The following INTS2 variants were observed in gnomAD, a reference collection of about 807,000 sequenced individuals.
INTS2 encodes the protein KIAA1287.
INTS2 carries 57 observed loss-of-function variants against 139.6 expected under a neutral mutation model. The observed-to-expected ratio is 0.41, with a 90% confidence interval of 0.33 to 0.51. The LOEUF (loss-of-function observed/expected upper bound fraction) is 0.51. Ranked by LOEUF, INTS2 falls within the 20% of genes least tolerant of loss-of-function variation. The pLI is 0.28. For missense variants in INTS2, 1,196 were observed against 1,436.7 expected (o/e 0.83, Z 2.71); for synonymous variants, 473 against 493.4 (o/e 0.96, Z 0.55).
rs1203182624 is a variant in INTS2, at chr17:61,889,816, C to G, written c.1954G>C (p.Glu652Gln). ...GTCTTCGTGTTTGCTAGAAGAGCCTCTTCATAAGACAGTATATAGTAGAGC... is the reference window on the plus strand; with the variant it reads ...GTCTTCGTGTTTGCTAGAAGAGCCTGTTCATAAGACAGTATATAGTAGAGC... ...LVLYYILSYE[E>Q]ALLANTKTLA... Residue 652 changes from glutamate to glutamine, a missense_variant, in exon 15 of 25, where the codon GAG becomes CAG. Coordinates refer to ENST00000251334, the MANE Select transcript of INTS2 (RefSeq NM_001351695.2). 6.2e-7 allele frequency: 1 copy of G among 1,607,706 alleles called. No individual in the cohort carries two copies.
At chr17:61,896,951 A>T (rs1467941614) in intron 11 of INTS2, among the ~76,000 whole-genome samples, 1 of 152,164 alleles carries the variant, frequency 6.6e-6, no homozygotes, top group East Asian at 1.9e-4. Context: ...GTATGAAGAG[A>T]TACATGTGGG....
At position 61,891,662 on chromosome 17, in the gene INTS2, T is replaced by C; in HGVS notation, c.1726A>G (p.Thr576Ala). The change falls in exon 14 of 25, where the codon ACC (threonine) becomes GCC (alanine). Residue 576 changes from threonine to alanine, a missense_variant. Transcript: ENST00000251334. ...KDWIYRQLCE[T>A]STPLHPQLLP... ...AATTGAGGATGAAGTGGAGTAGAGG[T>C]TTCACACAGCTGTCTATAAATCCAA... 1.9e-6 allele frequency: 3 copies of C among 1,612,334 alleles called. No homozygotes were observed. Among genetic ancestry groups the C allele is most frequent in the African/African-American group, 1.3e-5 (1 of 74,988 alleles).
chr17:61,894,366 T>C (rs1476997863), intron 12 of INTS2, among the ~76,000 whole-genome samples: 2 of 152,226 alleles, frequency 1.3e-5, no homozygotes, highest in Non-Finnish European at 2.9e-5. Context: ...ATGTCATGCA[T>C]AGGCTCTAAT....
Position 61,871,127 on chromosome 17 carries a change from G to T in INTS2, c.2778+1138C>A, listed in dbSNP as rs966340401. Among the ~76,000 whole-genome samples the T allele has an allele frequency of 1.3e-5, 2 of 151,986 alleles. No individual in the cohort carries two copies. The highest frequency in any genetic ancestry group is 6.6e-5 in the Admixed American group (1 of 15,248). On this transcript the variant is annotated intron_variant, in intron 20 of 24. Coordinates refer to ENST00000251334, the MANE Select transcript of INTS2 (RefSeq NM_001351695.2). The surrounding 1 kb of genome is among the most constrained non-coding windows in gnomAD (Gnocchi z 4.9). ...TTATTGATTTATTTTATTGATTTTT[G>T]TTGTTGTTGTTGAGATGGAGTCTCG...
At chr17:61,905,713 T>C (rs759609500) in intron 8 of INTS2, among the ~76,000 whole-genome samples, 7 of 152,188 alleles carry the variant, frequency 4.6e-5, no homozygotes, top group Non-Finnish European at 5.9e-5. Context: ...TTTGTTTTTG[T>C]AGAGATGGAG....
intron 3 of INTS2, among the ~76,000 whole-genome samples, chr17:61,922,200 G>A (rs1337423649): frequency 1.3e-5 from 2 of 152,160 alleles, no homozygotes; most frequent in Non-Finnish European, 2.9e-5. Flanking sequence ...GCCAGGTGCA[G>A]TGGCTGACGC....
At chr17:61,899,458 G>C (rs58967402) in intron 9 of INTS2, among the ~76,000 whole-genome samples, 1 of 152,086 alleles carries the variant, frequency 6.6e-6, no homozygotes, top group East Asian at 1.9e-4. Flanking sequence ...CACCATGTTG[G>C]CCAGGCTGGT....
intron 6 of INTS2, 36 bp downstream of exon 6, chr17:61,911,904 A>G: frequency 6.3e-7 from 1 of 1,591,420 alleles, no homozygotes; most frequent in Non-Finnish European, 8.5e-7. Flanking sequence ...GACCTAATAT[A>G]AAGGCCTTTG....
At position 61,884,961 on chromosome 17, in the gene INTS2, C is replaced by G. The variant is rs777820127; in HGVS notation, c.2029G>C (p.Asp677His). The G allele has an allele frequency of 6.2e-7, 1 of 1,608,108 alleles. No individual in the cohort carries two copies. The change falls in exon 16 of 25, where the codon GAT becomes CAT. Residue 677 changes from aspartate (D) to histidine (H), a missense_variant. Transcript: ENST00000251334. ...KPKSYSSSLM[D>H]QIPIKFLIRQ... The stretch of plus-strand genomic sequence containing the variant: ...ATAAGGAATTTGATAGGAATCTGAT[C>G]CATTAAAGAAGAAGAATATGATTTG...
Position 61,897,303 on chromosome 17 carries a change from AT to A in INTS2, c.1494+165del, listed in dbSNP as rs1462960103. Among the ~76,000 whole-genome samples, 1 of 152,142 alleles carries A rather than the reference AT, an allele frequency of 6.6e-6. No individual in the cohort carries two copies. The highest frequency in any genetic ancestry group is 1.5e-5 in the Non-Finnish European group (1 of 67,998). The stretch of plus-strand genomic sequence containing the variant: ...CAAGGTTTTTGCATGAGTATCTATT[AT>A]TTTAGTAAATACAGGTTTCAAAATG... On this transcript the variant is annotated intron_variant, in intron 11 of 24. Coordinates refer to ENST00000251334, the MANE Select transcript of INTS2 (RefSeq NM_001351695.2). This position sits in a 1 kb window ranked among gnomAD's most constrained non-coding sequence, Gnocchi z 4.4.
chr17:61,925,882 CG>C (rs2079706848), intron 2 of INTS2, among the ~76,000 whole-genome samples: 1 of 151,876 alleles, frequency 6.6e-6, no homozygotes, highest in Non-Finnish European at 1.5e-5. Flanking sequence ...AAAAATTAGC[CG>C]GGCATGGTGG....
At chr17:61,901,766 TG>T (rs2079409188) in intron 9 of INTS2, among the ~76,000 whole-genome samples, 1 of 151,810 alleles carries the variant, frequency 6.6e-6, no homozygotes, top group Non-Finnish European at 1.5e-5. Flanking sequence ...AATATTTTTT[TG>T]TATTTTTTTT....
Position 61,868,917 on chromosome 17 carries a change from T to G in INTS2, c.3244+117A>C. 1 of 627,584 alleles carries G rather than the reference T, an allele frequency of 1.6e-6. No individual in the cohort carries two copies. 38.9% of individuals were successfully genotyped at this position (627,584 alleles called of 1,614,324 possible). Reference sequence around the variant, plus strand: ...ATAAGTTAAACTAGTATTTAACACATATTGTATCATACTGTCTCAGAGTGA... The same window carrying G: ...ATAAGTTAAACTAGTATTTAACACAGATTGTATCATACTGTCTCAGAGTGA... On this transcript the variant is annotated intron_variant, in intron 23 of 24. Coordinates refer to ENST00000251334, the MANE Select transcript of INTS2 (RefSeq NM_001351695.2). The surrounding 1 kb of genome is among the most constrained non-coding windows in gnomAD (Gnocchi z 4.7).
At chr17:61,908,795 T>C (rs1172869945) in intron 7 of INTS2, among the ~76,000 whole-genome samples, 1 of 151,560 alleles carries the variant, frequency 6.6e-6, no homozygotes, top group Non-Finnish European at 1.5e-5. Flanking sequence ...ATGTTAACTT[T>C]GTTTTAAAAA....
chr17:61,906,406 G>A lies in INTS2; in HGVS notation c.1181+1002C>T, dbSNP rs2079463610. ...ACATGAATCAAATAACAGGTGTGCA[G>A]TAACCAGCTACCGACAGACTTTGAA... is the stretch of plus-strand genomic sequence containing the variant. On this transcript the variant is annotated intron_variant, in intron 8 of 24. Transcript: ENST00000251334. 2.0e-5 allele frequency among the ~76,000 whole-genome samples: 3 copies of A among 152,288 alleles called. No individual in the cohort carries two copies. In the South Asian group the frequency reaches 6.2e-4, roughly 32 times the overall value.
At position 61,871,278 on chromosome 17, in the gene INTS2, GC is replaced by G. The variant is rs1567887162; in HGVS notation, c.2778+986del. On this transcript the variant is annotated intron_variant, in intron 20 of 24. Transcript: ENST00000251334. The surrounding 1 kb of genome is among the most constrained non-coding windows in gnomAD (Gnocchi z 4.9). ...TGGGACTACAGGTTTGGGCCACCAC[GC>G]CCGGCTAATTTTTGTATTTTTAGTA... Among the ~76,000 whole-genome samples, 1 of 151,888 alleles carries G rather than the reference GC, an allele frequency of 6.6e-6. No homozygotes were observed. Among genetic ancestry groups the G allele is most frequent in the African/African-American group, 2.4e-5 (1 of 41,350 alleles).
At chr17:61,905,405 C>A (rs143302950) in intron 8 of INTS2, among the ~76,000 whole-genome samples, 2 of 152,252 alleles carry the variant, frequency 1.3e-5, no homozygotes, top group East Asian at 1.9e-4. Flanking sequence ...CGGCTCACTG[C>A]AAACTCTACC....
At chr17:61,922,843 C>T (rs910602311) in intron 3 of INTS2, among the ~76,000 whole-genome samples, 19 of 151,788 alleles carry the variant, frequency 1.3e-4, no homozygotes, top group Admixed American at 2.6e-4. Context: ...TTTGGGAGGC[C>T]GAGGTGGGAG....
chr17:61,891,980 T>C (rs1010943503), intron 13 of INTS2, among the ~76,000 whole-genome samples: 1 of 152,136 alleles, frequency 6.6e-6, no homozygotes, highest in South Asian at 2.1e-4. Context: ...ACCATATCTG[T>C]ATTTAGAGCA....
Sources: allele counts gnomAD v4.1 joint callset (sites outside exome capture counted in the v4.1 genomes callset), GRCh38; gene constraint gnomAD v4.1.1; non-coding constraint Gnocchi (gnomAD v3.1); transcripts MANE v1.5; gene names NCBI Gene and HGNC (gene_info 2026-07-23, HGNC 2026-07-21).